The following CABIN1 variants were observed in gnomAD, a reference collection of about 807,000 sequenced individuals.
CABIN1 encodes the protein calcineurin-binding protein cabin-1.
In CABIN1, 133 loss-of-function variants were observed where a neutral mutation model predicts 227.7. The ratio of observed to expected loss-of-function variants is 0.58; its 90% CI spans 0.51 to 0.67. The LOEUF (loss-of-function observed/expected upper bound fraction) is 0.67. Among genes scored for constraint, CABIN1 ranks in the 30% least tolerant of loss-of-function variants. CABIN1 has a pLI of 0.00. For missense variants in CABIN1, 2,408 were observed against 2,852.5 expected (o/e 0.84, Z 3.55); for synonymous variants, 1,086 against 1,155.1 (o/e 0.94, Z 1.21).
At chr22:24,022,856 G>A (rs1365140479) in intron 1 of CABIN1, among the ~76,000 whole-genome samples, 4 of 152,108 alleles carry the variant, frequency 2.6e-5, no homozygotes, top group Non-Finnish European at 5.9e-5. Flanking sequence ...TTATTTACTT[G>A]TCTTTGGTGA....
rs901440513 is a variant in CABIN1 at position 24,083,271 on chromosome 22, A to G, written c.2792A>G (p.Asp931Gly). 2 of 1,613,142 alleles carry G rather than the reference A, an allele frequency of 1.2e-6. No individual in the cohort carries two copies. Among genetic ancestry groups the G allele is most frequent in the Non-Finnish European group, 1.7e-6 (2 of 1,180,016 alleles). The change falls in exon 20 of 37, where the codon GAC (aspartate) becomes GGC (glycine). Residue 931 changes from aspartate (D) to glycine (G), a missense_variant. By Grantham distance (94) the Asp-to-Gly change is moderately conservative. Transcript: ENST00000263119. Reference sequence around the variant, plus strand: ...GAACTGGCTGCATCCACCTCTGAAGACACGCACCCTTACAAGGAGGAGCTG... The same window carrying G: ...GAACTGGCTGCATCCACCTCTGAAGGCACGCACCCTTACAAGGAGGAGCTG... ...QKELAASTSEDTHPYKEELET... is the reference protein window; with the variant it reads ...QKELAASTSEGTHPYKEELET...
intron 28 of CABIN1, among the ~76,000 whole-genome samples, chr22:24,126,070 A>G (rs1450801367): frequency 1.3e-5 from 2 of 152,172 alleles, no homozygotes; most frequent in Non-Finnish European, 2.9e-5. Context: ...GAAACTACCC[A>G]CAACTGTCCC....
At chr22:24,070,306 G>A (rs1285697946) in intron 16 of CABIN1, among the ~76,000 whole-genome samples, 1 of 152,206 alleles carries the variant, frequency 6.6e-6, no homozygotes, top group Non-Finnish European at 1.5e-5. Flanking sequence ...GGAGGAGGCT[G>A]ATAGAGTGAT....
rs556557806 is a variant in CABIN1, at chr22:24,149,254, T to C, written c.4746+14839T>C. 2.6e-5 allele frequency among the ~76,000 whole-genome samples: 4 copies of C among 152,284 alleles called. 1 individual carries two copies. In the South Asian group the frequency reaches 8.3e-4, roughly 32 times the overall value. ...CCTCAGGCTCCAATCCTGACCTGAG[T>C]GGCTTTGAGCAAGCTGGTCAGTGTT... On this transcript the variant is annotated intron_variant, in intron 29 of 36. Transcript: ENST00000263119.
In CABIN1 at chr22:24,154,252, C is replaced by T. The variant is rs140815886; in HGVS notation, c.4747-10148C>T. On this transcript the variant is annotated intron_variant, in intron 29 of 36. Transcript: ENST00000263119. ...GTATGAAGTAAGGTCATGAGCTGTG[C>T]AAGGTGTGAGTGTCGCTTTGGTCCT... 4.1e-3 allele frequency among the ~76,000 whole-genome samples: 628 copies of T among 152,276 alleles called. 7 individuals are homozygous for T. The highest frequency in any genetic ancestry group is 0.014 in the African/African-American group (582 of 41,530).
intron 1 of CABIN1, 149 bp from the exon 2 acceptor site, chr22:24,035,295 G>A: frequency 3.2e-6 from 2 of 620,624 alleles, no homozygotes; most frequent in Non-Finnish European, 5.8e-6. Flanking sequence ...AGCTCCTTGT[G>A]TGTTAGACCA....
At position 24,134,188 on chromosome 22, in the gene CABIN1, C is replaced by T. The variant is rs1476192338; in HGVS notation, c.4633-114C>T. 5.5e-6 allele frequency: 4 copies of T among 724,682 alleles called. No homozygotes were observed. The East Asian group carries it at 1.1e-4, about 20-fold the overall frequency. 44.9% of individuals were successfully genotyped at this position (724,682 alleles called of 1,614,324 possible). On this transcript the variant is annotated intron_variant, in intron 28 of 36. Transcript: ENST00000263119. ...GCTGTGGAATCGATGTCTGCAGGAA[C>T]TGCTGCTCATCGTGGTTTGCCATGC... is the stretch of plus-strand genomic sequence containing the variant.
At chr22:24,044,851 A>G (rs957992322) in intron 6 of CABIN1, among the ~76,000 whole-genome samples, 2 of 151,306 alleles carry the variant, frequency 1.3e-5, no homozygotes, top group African/African-American at 4.9e-5. Flanking sequence ...TCTGTACATG[A>G]TTATTTATTC....
chr22:24,042,932 A>T lies in CABIN1; in HGVS notation c.374A>T (p.Asn125Ile). 2 of 1,607,538 alleles carry T rather than the reference A, an allele frequency of 1.2e-6. No homozygotes were observed. The highest frequency in any genetic ancestry group is 1.7e-6 in the Non-Finnish European group (2 of 1,178,480). ...EAVMLDSTDV[N>I]LWYKIGHVAL... Reference sequence around the variant, plus strand: ...GTGATGCTGGACTCCACAGATGTCAACCTCTGGTATAAGATTGGACATGTG... The same window carrying T: ...GTGATGCTGGACTCCACAGATGTCATCCTCTGGTATAAGATTGGACATGTG... Residue 125 changes from asparagine (N) to isoleucine (I), a missense_variant, in exon 6 of 37, where the codon AAC (asparagine) becomes ATC (isoleucine). Around this residue, in one of 3 missense-constraint regions of CABIN1, gnomAD observed 1,045 missense variants for 1,168.4 expected, o/e 0.89. Transcript: ENST00000263119.
At chr22:24,049,273 G>A (rs2038137481) in intron 7 of CABIN1, 53 bp downstream of exon 7, 2 of 1,600,102 alleles carry the variant, frequency 1.2e-6, no homozygotes, top group East Asian at 4.5e-5. Context: ...TGTGGCTGGT[G>A]AAGGTCAGGA....
At chr22:24,013,681 T>C (rs1205586091) in intron 1 of CABIN1, among the ~76,000 whole-genome samples, 1 of 152,222 alleles carries the variant, frequency 6.6e-6, no homozygotes, top group Non-Finnish European at 1.5e-5. Context: ...GATATGAATG[T>C]TACCATTTTT....
At position 24,024,447 on chromosome 22, in the gene CABIN1, T is replaced by G. The variant is rs544508552; in HGVS notation, c.-74-10997T>G. ...TTCTCTCTTGCTGCTTTCAAGATCT[T>G]CTCTTTGGTTTTGGTCTTAATAAGT... On this transcript the variant is annotated intron_variant, in intron 1 of 36. Transcript: ENST00000263119. 1.5e-4 allele frequency among the ~76,000 whole-genome samples: 23 copies of G among 152,312 alleles called. 1 individual carries two copies. In the South Asian group the frequency reaches 4.8e-3, roughly 32 times the overall value.
rs181753888 is a variant in CABIN1, at chr22:24,012,164, T to C, written c.-75+797T>C. 3.3e-5 allele frequency among the ~76,000 whole-genome samples: 5 copies of C among 152,286 alleles called. No homozygotes were observed. The East Asian group carries it at 9.6e-4, about 29-fold the overall frequency. On this transcript the variant is annotated intron_variant, in intron 1 of 36. Coordinates refer to ENST00000263119, the MANE Select transcript of CABIN1 (RefSeq NM_012295.4). The stretch of plus-strand genomic sequence containing the variant: ...TAGTATTCATAATAGTAGTTTAGGC[T>C]TGGGGGGTCCATACTCTGTCTACTT...
In CABIN1 at chr22:24,176,313, G is replaced by C. The variant is rs778358537; in HGVS notation, c.6205+38G>C. On this transcript the variant is annotated intron_variant, in intron 35 of 36. Coordinates refer to ENST00000263119, the MANE Select transcript of CABIN1 (RefSeq NM_012295.4). ...GGGAGCAGCCCAGCACCAGCCCCCA[G>C]GAGGCTGCCTCACAGCTGGCAGCCA... 4.6e-5 allele frequency: 72 copies of C among 1,570,906 alleles called. No individual in the cohort carries two copies. In the Middle Eastern group the frequency reaches 1.6e-3, roughly 34 times the overall value.
At chr22:24,067,524 G>A (rs1461959196) in intron 16 of CABIN1, among the ~76,000 whole-genome samples, 2 of 152,098 alleles carry the variant, frequency 1.3e-5, no homozygotes, top group Non-Finnish European at 2.9e-5. Flanking sequence ...TGCTTTTTAA[G>A]GTAAATATAA....
intron 26 of CABIN1, among the ~76,000 whole-genome samples, chr22:24,099,233 G>C (rs563756513): frequency 6.6e-6 from 1 of 152,294 alleles, no homozygotes; most frequent in South Asian, 2.1e-4. Context: ...CCAACTTTCT[G>C]AACTAAGTGG....
intron 27 of CABIN1, among the ~76,000 whole-genome samples, chr22:24,117,842 G>A (rs1021340457): frequency 1.3e-5 from 2 of 152,254 alleles, no homozygotes; most frequent in African/African-American, 2.4e-5. Context: ...GCCTAGCACA[G>A]GGCTGATCCC....
intron 29 of CABIN1, among the ~76,000 whole-genome samples, chr22:24,163,949 A>G (rs1176807386): frequency 6.6e-6 from 1 of 152,134 alleles, no homozygotes; most frequent in Non-Finnish European, 1.5e-5. Context: ...ACTGCTGGAG[A>G]GAGTGGGTGA....
chr22:24,064,987 G>A lies in CABIN1; in HGVS notation c.2037+800G>A, dbSNP rs1233978380. On this transcript the variant is annotated intron_variant, in intron 15 of 36. Transcript: ENST00000263119. Reference sequence around the variant, plus strand: ...CACCTTTCCCCCTTTTCTATTCCACGAAACTGCCATTGTCATCATGGCCCG... The same window carrying A: ...CACCTTTCCCCCTTTTCTATTCCACAAAACTGCCATTGTCATCATGGCCCG... Among the ~76,000 whole-genome samples, 11 of 152,212 alleles carry A rather than the reference G, an allele frequency of 7.2e-5. No homozygotes were observed. In the East Asian group the frequency reaches 7.7e-4, roughly 11 times the overall value.
Sources: allele counts gnomAD v4.1 joint callset (sites outside exome capture counted in the v4.1 genomes callset), GRCh38; gene constraint gnomAD v4.1.1; regional missense constraint gnomAD v4.1.1; transcripts MANE v1.5; gene names NCBI Gene and HGNC (gene_info 2026-07-23, HGNC 2026-07-21).